OSBPL3: variants seen among roughly 807,000 people sequenced by gnomAD.
OSBPL3 encodes the protein oxysterol-binding protein-related protein 3.
OSBPL3 carries 65 observed loss-of-function variants against 120.1 expected under a neutral mutation model. The ratio of observed to expected loss-of-function variants is 0.54; its 90% CI spans 0.44 to 0.67. The LOEUF is 0.67. OSBPL3 is among the 30% of genes least tolerant of loss of function. OSBPL3 has a pLI of 0.00. For synonymous variants in OSBPL3, 416 were observed against 402.6 expected (o/e 1.03, Z -0.40); for missense variants, 1,004 against 1,082.1 (o/e 0.93, Z 1.01).
rs1434992282 is a variant in OSBPL3 at position 24,808,319 on chromosome 7, C to T, written c.2318-1417G>A. On this transcript the variant is annotated intron_variant, in intron 20 of 22. Transcript: ENST00000313367. The surrounding 1 kb of genome is among the most constrained non-coding windows in gnomAD (Gnocchi z 4.6). Reference sequence around the variant, plus strand: ...GGTGTCTTGGTCAGCTCCCCAGTAACCAGGGAGTGAAGATAGTGCTTTTTC... The same window carrying T: ...GGTGTCTTGGTCAGCTCCCCAGTAATCAGGGAGTGAAGATAGTGCTTTTTC... Among the ~76,000 whole-genome samples, 1 of 152,096 alleles carries T rather than the reference C, an allele frequency of 6.6e-6. No homozygotes were observed. The highest frequency in any genetic ancestry group is 2.4e-5 in the African/African-American group (1 of 41,418).
intron 1 of OSBPL3, among the ~76,000 whole-genome samples, chr7:24,942,460 T>C (rs1451949706): frequency 2.1e-5 from 1 of 46,620 alleles, no homozygotes; most frequent in Non-Finnish European, 3.6e-5. Context: ...GCCTCTTCTC[T>C]GTCATGGTAA....
In OSBPL3 at chr7:24,854,500, A is replaced by G. The variant is rs10280889; in HGVS notation, c.1028-1866T>C. 0.16 allele frequency among the ~76,000 whole-genome samples: 13,540 copies of G among 84,430 alleles called. 752 individuals are homozygous for G. The highest frequency in any genetic ancestry group is 0.38 in the East Asian group (1,076 of 2,826). 55.4% of individuals were successfully genotyped at this position (84,430 alleles called of 152,430 possible). Reference sequence around the variant, plus strand: ...GTCACAACAATTTGTACACACACACACGCACACACACACACACACACACAC... The same window carrying G: ...GTCACAACAATTTGTACACACACACGCGCACACACACACACACACACACAC... On this transcript the variant is annotated intron_variant, in intron 10 of 22. Coordinates refer to ENST00000313367, the MANE Select transcript of OSBPL3 (RefSeq NM_015550.4). This position sits in a 1 kb window ranked among gnomAD's most constrained non-coding sequence, Gnocchi z 4.1.
chr7:24,932,998 C>A lies in OSBPL3; in HGVS notation c.-149-40377G>T, dbSNP rs1811970019. Among the ~76,000 whole-genome samples, 1 of 152,234 alleles carries A rather than the reference C, an allele frequency of 6.6e-6. No individual in the cohort carries two copies. Among genetic ancestry groups the A allele is most frequent in the African/African-American group, 2.4e-5 (1 of 41,462 alleles). ...CTCCATATTCAAATTCCACACCGGA[C>A]CTGATGCTGCTGCACCAACTCCAGT... On this transcript the variant is annotated intron_variant, in intron 1 of 22. Coordinates refer to ENST00000313367, the MANE Select transcript of OSBPL3 (RefSeq NM_015550.4). This position sits in a 1 kb window ranked among gnomAD's most constrained non-coding sequence, Gnocchi z 5.6.
At chr7:24,976,720 T>C (rs1016384289) in intron 1 of OSBPL3, among the ~76,000 whole-genome samples, 8 of 152,220 alleles carry the variant, frequency 5.3e-5, no homozygotes, top group Non-Finnish European at 1.2e-4. Flanking sequence ...GCATTCTAGG[T>C]TGCAGGGTTC....
In OSBPL3 at chr7:24,895,670, A is replaced by T. The variant is rs539900633; in HGVS notation, c.-149-3049T>A. On this transcript the variant is annotated intron_variant, in intron 1 of 22. Transcript: ENST00000313367. The stretch of plus-strand genomic sequence containing the variant: ...CAGGGATGGGCTGGGGTCACCAGAG[A>T]GGAGGCCTCGGCAGGATGGTGCATA... Among the ~76,000 whole-genome samples, 39 of 152,204 alleles carry T rather than the reference A, an allele frequency of 2.6e-4. No individual in the cohort carries two copies. The South Asian group carries it at 8.1e-3, about 32-fold the overall frequency.
rs949427341 is a variant in OSBPL3 at position 24,937,615 on chromosome 7, G to A, written c.-150+42271C>T. 1.9e-4 allele frequency among the ~76,000 whole-genome samples: 29 copies of A among 152,140 alleles called. No individual in the cohort carries two copies. Among genetic ancestry groups the A allele is most frequent in the Admixed American group, 7.2e-4 (11 of 15,268 alleles). On this transcript the variant is annotated intron_variant, in intron 1 of 22. Coordinates refer to ENST00000313367, the MANE Select transcript of OSBPL3 (RefSeq NM_015550.4). This position sits in a 1 kb window ranked among gnomAD's most constrained non-coding sequence, Gnocchi z 4.0. ...GCAGTGAACAGAGCATACATGAGACGTCCCAATACATGTGCCACACTTTTA... is the reference window on the plus strand; with the variant it reads ...GCAGTGAACAGAGCATACATGAGACATCCCAATACATGTGCCACACTTTTA...
intron 2 of OSBPL3, among the ~76,000 whole-genome samples, chr7:24,876,579 G>T (rs1479014782): frequency 1.3e-5 from 2 of 152,026 alleles, no homozygotes; most frequent in Non-Finnish European, 2.9e-5. Context: ...TTTATTCATT[G>T]TTGGGGTCTC....
chr7:24,915,451 T>C (rs1038827286), intron 1 of OSBPL3, among the ~76,000 whole-genome samples: 4 of 152,118 alleles, frequency 2.6e-5, no homozygotes, highest in Non-Finnish European at 5.9e-5. Context: ...AAGTTGTCTT[T>C]CAAAAATAAT....
intron 16 of OSBPL3, among the ~76,000 whole-genome samples, chr7:24,829,244 T>C (rs17291810): frequency 0.22 from 33,412 of 152,214 alleles, 4,243 homozygotes; most frequent in Non-Finnish European, 0.29. Flanking sequence ...CATTCTATTT[T>C]AGGTTCAGTA....
In OSBPL3 at chr7:24,916,663, T is replaced by C. The variant is rs372995839; in HGVS notation, c.-149-24042A>G. On this transcript the variant is annotated intron_variant, in intron 1 of 22. Coordinates refer to ENST00000313367, the MANE Select transcript of OSBPL3 (RefSeq NM_015550.4). The surrounding 1 kb of genome is among the most constrained non-coding windows in gnomAD (Gnocchi z 4.9). ...TGTCTCAACTGTTGGAGAAACATTA[T>C]GTGCCATGCTCTAAGGTGAAAGAAT... 7.2e-5 allele frequency among the ~76,000 whole-genome samples: 11 copies of C among 152,120 alleles called. No individual in the cohort carries two copies. The East Asian group carries it at 1.9e-3, about 27-fold the overall frequency.
chr7:24,914,037 C>T (rs1809213518), intron 1 of OSBPL3, among the ~76,000 whole-genome samples: 1 of 152,070 alleles, frequency 6.6e-6, no homozygotes, highest in Non-Finnish European at 1.5e-5. Flanking sequence ...TTTAATATTG[C>T]AGTGCAAAGA....
Position 24,847,975 on chromosome 7 carries a change from A to C in OSBPL3, c.1266+1094T>G, listed in dbSNP as rs573209542. ...CTATAAAAGAATGTCATACTTAACC[A>C]CTAGCATGTGCCTCAGAAGTAGTAA... On this transcript the variant is annotated intron_variant, in intron 12 of 22. Coordinates refer to ENST00000313367, the MANE Select transcript of OSBPL3 (RefSeq NM_015550.4). 4.9e-4 allele frequency among the ~76,000 whole-genome samples: 75 copies of C among 152,328 alleles called. No homozygotes were observed. In the South Asian group the frequency reaches 7.0e-3, roughly 14 times the overall value.
At position 24,871,643 on chromosome 7, in the gene OSBPL3, G is replaced by A. The variant is rs1329076088; in HGVS notation, c.267+99C>T. 1.3e-5 allele frequency: 12 copies of A among 905,142 alleles called. No individual in the cohort carries two copies. The highest frequency in any genetic ancestry group is 8.4e-5 in the African/African-American group (5 of 59,522). 56.1% of individuals were successfully genotyped at this position (905,142 alleles called of 1,614,324 possible). On this transcript the variant is annotated intron_variant, in intron 4 of 22. Coordinates refer to ENST00000313367, the MANE Select transcript of OSBPL3 (RefSeq NM_015550.4). The surrounding 1 kb of genome is among the most constrained non-coding windows in gnomAD (Gnocchi z 4.8). ...TTTCCCCTCTATGGTTTCCAGTTCCGAGAAAAGCTATCCTCAACTATACAC... is the reference window on the plus strand; with the variant it reads ...TTTCCCCTCTATGGTTTCCAGTTCCAAGAAAAGCTATCCTCAACTATACAC...
Position 24,806,712 on chromosome 7 carries a change from TTAA to T in OSBPL3, c.2444+61_2444+63del, listed in dbSNP as rs1236100042. 8.6e-6 allele frequency: 13 copies of T among 1,520,042 alleles called. No homozygotes were observed. The Middle Eastern group carries it at 7.0e-4, about 82-fold the overall frequency. 94.2% of individuals were successfully genotyped at this position (1,520,042 alleles called of 1,614,324 possible). ...GGTGCCTCTGGTGGCCTAAGGATTG[TTAA>T]TAAGACTTTTTGTAAAGGGTTTTAC... On this transcript the variant is annotated intron_variant, in intron 21 of 22. Coordinates refer to ENST00000313367, the MANE Select transcript of OSBPL3 (RefSeq NM_015550.4). The surrounding 1 kb of genome is among the most constrained non-coding windows in gnomAD (Gnocchi z 5.2).
intron 1 of OSBPL3, among the ~76,000 whole-genome samples, chr7:24,901,754 G>T (rs984781144): frequency 2.6e-5 from 4 of 152,172 alleles, no homozygotes; most frequent in African/African-American, 9.7e-5. Flanking sequence ...GTGCTTCTGG[G>T]CTGTGAGCCA....
In OSBPL3 at chr7:24,898,162, A is replaced by C. The variant is rs1440715484; in HGVS notation, c.-149-5541T>G. On this transcript the variant is annotated intron_variant, in intron 1 of 22. Coordinates refer to ENST00000313367, the MANE Select transcript of OSBPL3 (RefSeq NM_015550.4). This position sits in a 1 kb window ranked among gnomAD's most constrained non-coding sequence, Gnocchi z 4.3. The stretch of plus-strand genomic sequence containing the variant: ...TCAAAAATGTTACATGGTCAAAAGC[A>C]GGGCTTTGGTTATTTGGCTTTAAGC... Among the ~76,000 whole-genome samples the C allele has an allele frequency of 6.6e-6, 1 of 152,220 alleles. No homozygotes were observed. The highest frequency in any genetic ancestry group is 6.5e-5 in the Admixed American group (1 of 15,282).
intron 1 of OSBPL3, among the ~76,000 whole-genome samples, chr7:24,943,384 A>C (rs1280537009): frequency 6.6e-6 from 1 of 152,230 alleles, no homozygotes; most frequent in Non-Finnish European, 1.5e-5. Flanking sequence ...TAAAGGCTTA[A>C]AGGAAGGACA....
At chr7:24,864,295 C>T (rs900659843) in intron 7 of OSBPL3, among the ~76,000 whole-genome samples, 9 of 152,226 alleles carry the variant, frequency 5.9e-5, no homozygotes, top group African/African-American at 2.2e-4. Context: ...ATGCCTTAGG[C>T]TAGAGGCTCT....
intron 1 of OSBPL3, among the ~76,000 whole-genome samples, chr7:24,903,567 C>T (rs1807384692): frequency 6.6e-6 from 1 of 152,210 alleles, no homozygotes. Context: ...TGGTTTTCTA[C>T]CTTGTTCACA....
Sources: allele counts gnomAD v4.1 joint callset (sites outside exome capture counted in the v4.1 genomes callset), GRCh38; gene constraint gnomAD v4.1.1; non-coding constraint Gnocchi (gnomAD v3.1); transcripts MANE v1.5; gene names NCBI Gene and HGNC (gene_info 2026-07-23, HGNC 2026-07-21).